The following NEGR1 variants were observed in gnomAD, a reference collection of about 807,000 sequenced individuals.
NEGR1 encodes the protein IgLON family member 4.
In NEGR1, 10 loss-of-function variants were observed where a neutral mutation model predicts 40.9. The observed-to-expected ratio is 0.24, with a 90% CI of 0.15 to 0.42. The LOEUF (loss-of-function observed/expected upper bound fraction) is 0.42. Among genes scored for constraint, NEGR1 ranks in the 10% least tolerant of loss-of-function variants. The pLI, the probability that NEGR1 is intolerant of heterozygous loss-of-function variation, is 1.00. For synonymous variants in NEGR1, 185 were observed against 166.8 expected, an observed-to-expected ratio of 1.11 and a Z score of -0.84; for missense variants, 352 against 438.9, an observed-to-expected ratio of 0.80 and a Z score of 1.77.
chr1:71,920,631 C>G (rs1157778833), intron 2 of NEGR1, among the ~76,000 whole-genome samples: 1 of 152,198 alleles, frequency 6.6e-6, no homozygotes, highest in Non-Finnish European at 1.5e-5. Context: ...GCAGATCTTT[C>G]TTTTCCAACA....
In NEGR1 at chr1:72,268,046, C is replaced by T. The variant is rs77369493; in HGVS notation, c.176+14273G>A. Among the ~76,000 whole-genome samples the T allele has an allele frequency of 7.4e-3, 1,119 of 151,392 alleles. 14 individuals carry two copies. The highest frequency in any genetic ancestry group is 0.026 in the African/African-American group (1,075 of 41,440). On this transcript the variant is annotated intron_variant, in intron 1 of 6. Transcript: ENST00000357731. ...TGTGTGAGGTCGCCATGTCTTCAGA[C>T]ATACTCTACTCTTCACGGTATCAGA...
chr1:71,736,533 A>C (rs1655046340), intron 3 of NEGR1, among the ~76,000 whole-genome samples: 1 of 152,152 alleles, frequency 6.6e-6, no homozygotes, highest in South Asian at 2.1e-4. Context: ...AGGCTTTGTA[A>C]TTGGCACTGA....
intron 1 of NEGR1, among the ~76,000 whole-genome samples, chr1:72,279,935 T>C (rs577159716): frequency 8.5e-5 from 13 of 152,340 alleles, no homozygotes; most frequent in African/African-American, 2.9e-4. Flanking sequence ...AGAATTACTG[T>C]AAGCAAATTG....
At chr1:71,648,969 G>C (rs2101580239) in intron 4 of NEGR1, among the ~76,000 whole-genome samples, 1 of 152,010 alleles carries the variant, frequency 6.6e-6, no homozygotes, top group Non-Finnish European at 1.5e-5. Context: ...TCCTTCTAAA[G>C]ACTAGTTAAA....
intron 6 of NEGR1, among the ~76,000 whole-genome samples, chr1:71,551,733 A>G (rs1648081088): frequency 6.6e-6 from 1 of 151,498 alleles, no homozygotes; most frequent in African/African-American, 2.4e-5. Flanking sequence ...AGAGACTCCA[A>G]TTGATGTGAT....
At chr1:72,007,479 G>A (rs1415394209) in intron 1 of NEGR1, among the ~76,000 whole-genome samples, 1 of 152,064 alleles carries the variant, frequency 6.6e-6, no homozygotes, top group East Asian at 1.9e-4. Context: ...TTGGCAGCAG[G>A]GGAAGCCAGG....
chr1:71,827,198 T>C (rs1363905137), intron 2 of NEGR1, among the ~76,000 whole-genome samples: 3 of 151,114 alleles, frequency 2.0e-5, no homozygotes, highest in Admixed American at 2.0e-4. Context: ...TGTTCTGTTT[T>C]ATGAAAAAAA....
intron 3 of NEGR1, among the ~76,000 whole-genome samples, chr1:71,723,281 C>A (rs1654570533): frequency 6.6e-6 from 1 of 152,002 alleles, no homozygotes; most frequent in Admixed American, 6.6e-5. Flanking sequence ...TCCTAAAACC[C>A]TTGGAATTTC....
intron 1 of NEGR1, among the ~76,000 whole-genome samples, chr1:72,218,962 G>A (rs972255734): frequency 1.3e-5 from 2 of 152,016 alleles, no homozygotes; most frequent in Non-Finnish European, 2.9e-5. Context: ...AAGAACAAAT[G>A]TTAGGACTGA....
At chr1:71,577,148 G>T (rs1244252121) in intron 6 of NEGR1, among the ~76,000 whole-genome samples, 1 of 152,112 alleles carries the variant, frequency 6.6e-6, no homozygotes, top group African/African-American at 2.4e-5. Flanking sequence ...AAGTCTCAAA[G>T]GATTTTAATA....
In NEGR1 at chr1:71,399,322, TAGAC is replaced by T. The variant is rs538761910; in HGVS notation, c.*8120_*8123del. 2.0e-5 allele frequency: 3 copies of T among 152,196 alleles called. No homozygotes were observed. The highest frequency in any genetic ancestry group is 3.9e-4 in the East Asian group (2 of 5,180). 9.4% of individuals were successfully genotyped at this position (152,196 alleles called of 1,614,324 possible). A position where few individuals can be genotyped will look rare whatever the true frequency, so the allele number is the denominator to read the frequency against. On this transcript the variant is annotated 3_prime_UTR_variant, in exon 7 of 7. Coordinates refer to ENST00000357731, the MANE Select transcript of NEGR1 (RefSeq NM_173808.3). ...TCTCCTTGTCAACATTTAAAGTTAT[TAGAC>T]AGTAACACATTTCAAAGCATAATTT...
In NEGR1 at chr1:71,713,818, C is replaced by T. The variant is rs550022952; in HGVS notation, c.536-15679G>A. ...ATCTGAAGGAAGTATACATATAACA[C>T]ACACAATGTGTTCTTATAGATGTCT... On this transcript the variant is annotated intron_variant, in intron 3 of 6. Coordinates refer to ENST00000357731, the MANE Select transcript of NEGR1 (RefSeq NM_173808.3). Among the ~76,000 whole-genome samples the T allele has an allele frequency of 2.0e-5, 3 of 152,202 alleles. No homozygotes were observed. The South Asian group carries it at 6.2e-4, about 32-fold the overall frequency.
At chr1:71,817,710 G>C (rs1401202798) in intron 2 of NEGR1, among the ~76,000 whole-genome samples, 1 of 152,026 alleles carries the variant, frequency 6.6e-6, no homozygotes, top group Non-Finnish European at 1.5e-5. Context: ...AAACCTGGTA[G>C]AGTGTGAGGA....
intron 6 of NEGR1, among the ~76,000 whole-genome samples, chr1:71,464,732 T>C (rs991111424): frequency 6.6e-6 from 1 of 152,058 alleles, no homozygotes; most frequent in African/African-American, 2.4e-5. Context: ...AAATATGCTT[T>C]CCATAATTAA....
chr1:71,877,922 G>A (rs1010749962), intron 2 of NEGR1, among the ~76,000 whole-genome samples: 2 of 152,112 alleles, frequency 1.3e-5, no homozygotes, highest in Non-Finnish European at 2.9e-5. Flanking sequence ...AAGGATTACA[G>A]TAAAATATAC....
intron 3 of NEGR1, among the ~76,000 whole-genome samples, chr1:71,766,770 C>A (rs1429351432): frequency 1.3e-5 from 2 of 152,152 alleles, no homozygotes; most frequent in Non-Finnish European, 2.9e-5. Flanking sequence ...GTAACTGGAT[C>A]ATGGGGGGAG....
intron 1 of NEGR1, among the ~76,000 whole-genome samples, chr1:71,955,035 C>T (rs1443234755): frequency 1.3e-5 from 2 of 152,100 alleles, no homozygotes; most frequent in African/African-American, 2.4e-5. Context: ...AAATTACATA[C>T]AGGTAGATTT....
At chr1:71,840,240 T>C (rs1659190848) in intron 2 of NEGR1, among the ~76,000 whole-genome samples, 2 of 152,110 alleles carry the variant, frequency 1.3e-5, no homozygotes, top group South Asian at 4.1e-4. Context: ...GAGCAAAATA[T>C]AGTTCAACAG....
intron 1 of NEGR1, among the ~76,000 whole-genome samples, chr1:72,149,879 C>CAAAAAAAAAAAAAA (rs1180110033): frequency 7.6e-5 from 3 of 39,352 alleles, no homozygotes; most frequent in Non-Finnish European, 1.0e-4. Context: ...AAAACTCTGT[C>CAAAAAAAAAAAAAA]AAAAAAAAAA....
Sources: allele counts gnomAD v4.1 joint callset (sites outside exome capture counted in the v4.1 genomes callset), GRCh38; gene constraint gnomAD v4.1.1; transcripts MANE v1.5; gene names NCBI Gene and HGNC (gene_info 2026-07-23, HGNC 2026-07-21).